Variants in CCDC102B observed in about 807,000 individuals in gnomAD.
The protein encoded by CCDC102B is coiled-coil domain-containing protein 102B.
A neutral mutation model predicts 57.4 loss-of-function variants in CCDC102B; 75 were observed. The ratio of observed to expected loss-of-function variants is 1.31; its 90% confidence interval spans 1.08 to 1.58. The LOEUF (loss-of-function observed/expected upper bound fraction) is 1.58, where lower values mean the gene tolerates loss of function less well. Among genes scored for constraint, CCDC102B ranks in the 40% most tolerant of loss-of-function variants. CCDC102B has a pLI of 0.00. For missense variants in CCDC102B, 636 were observed against 582.6 expected (o/e 1.09, Z -0.94); for synonymous variants, 206 against 201.9 (o/e 1.02, Z -0.17).
At chr18:69,042,904 C>T (rs1003688913) in intron 7 of CCDC102B, among the ~76,000 whole-genome samples, 4 of 151,846 alleles carry the variant, frequency 2.6e-5, no homozygotes, top group East Asian at 3.9e-4. Flanking sequence ...TAAGGTGGAA[C>T]GAGAGACTTG....
At chr18:68,752,377 T>C (rs905888579) in intron 2 of CCDC102B, among the ~76,000 whole-genome samples, 7 of 147,758 alleles carry the variant, frequency 4.7e-5, no homozygotes, top group Non-Finnish European at 8.9e-5. Flanking sequence ...AGAAAATAAC[T>C]GCCAAAAGTT....
At chr18:68,786,837 T>G (rs1367922477) in intron 2 of CCDC102B, among the ~76,000 whole-genome samples, 3 of 151,740 alleles carry the variant, frequency 2.0e-5, no homozygotes, top group East Asian at 1.9e-4. Flanking sequence ...CCTGCCTAAT[T>G]GCCCTGGCCA....
chr18:68,783,498 G>A (rs2035075647), intron 2 of CCDC102B, among the ~76,000 whole-genome samples: 1 of 152,154 alleles, frequency 6.6e-6, no homozygotes, highest in Non-Finnish European at 1.5e-5. Flanking sequence ...CAAGCCCTGT[G>A]GTCAGGCAGG....
chr18:68,938,659 T>G lies in CCDC102B; in HGVS notation c.1263+41231T>G, dbSNP rs556378405. On this transcript the variant is annotated intron_variant, in intron 6 of 7. Transcript: ENST00000360242. ...TATACAGCTATCCCTAGATACAGTATGATATCATTGATTTTCCCAGATTAT... is the reference window on the plus strand; with the variant it reads ...TATACAGCTATCCCTAGATACAGTAGGATATCATTGATTTTCCCAGATTAT... Among the ~76,000 whole-genome samples the G allele has an allele frequency of 2.0e-5, 3 of 151,808 alleles. No homozygotes were observed. The East Asian group carries it at 5.8e-4, about 29-fold the overall frequency.
chr18:68,967,752 A>G (rs1330439066), intron 6 of CCDC102B, among the ~76,000 whole-genome samples: 1 of 152,120 alleles, frequency 6.6e-6, no homozygotes, highest in Admixed American at 6.6e-5. Context: ...ACCCACAAAT[A>G]CCTTTATCTC....
At chr18:68,943,471 G>A (rs9961337) in intron 6 of CCDC102B, among the ~76,000 whole-genome samples, 3 of 151,996 alleles carry the variant, frequency 2.0e-5, no homozygotes, top group Admixed American at 6.6e-5. Context: ...TCATGTCTGT[G>A]TTATGGCTAT....
chr18:68,940,546 TAAA>T (rs1273931888), intron 6 of CCDC102B, among the ~76,000 whole-genome samples: 1 of 151,854 alleles, frequency 6.6e-6, no homozygotes, highest in East Asian at 1.9e-4. Context: ...TAAAAAATCT[TAAA>T]GAAGCTTGTG....
At chr18:68,796,911 T>G (rs961084953), upstream of CCDC102B, among the ~76,000 whole-genome samples, 1 of 151,918 alleles carries the variant, frequency 6.6e-6, no homozygotes, top group Non-Finnish European at 1.5e-5. Context: ...GATGCAAGAC[T>G]AAATAAAATT....
chr18:68,757,690 GA>G (rs572767977), intron 2 of CCDC102B, among the ~76,000 whole-genome samples: 2 of 151,888 alleles, frequency 1.3e-5, no homozygotes, highest in African/African-American at 2.4e-5. Flanking sequence ...AGATTTTAAA[GA>G]AAAAAATAAG....
intron 6 of CCDC102B, among the ~76,000 whole-genome samples, chr18:68,937,950 T>A (rs551506019): frequency 6.6e-6 from 1 of 152,134 alleles, no homozygotes; most frequent in African/African-American, 2.4e-5. Flanking sequence ...TCCTTTTTTA[T>A]GGCTGCATAG....
chr18:69,001,256 G>A (rs552195213), intron 6 of CCDC102B, among the ~76,000 whole-genome samples: 2 of 152,130 alleles, frequency 1.3e-5, no homozygotes, highest in Non-Finnish European at 2.9e-5. Flanking sequence ...GCTGCTTTGT[G>A]TACCTCTTCT....
intron 4 of CCDC102B, among the ~76,000 whole-genome samples, chr18:68,864,575 C>CACTAA (rs201497189): frequency 0.01 from 1,559 of 152,056 alleles, 25 homozygotes; most frequent in East Asian, 0.072. Context: ...GTTTCAAATG[C>CACTAA]ACTAAAAATT....
intron 3 of CCDC102B, 124 bp from the exon 4 acceptor site, chr18:68,846,189 T>C (rs2037847305): frequency 2.2e-6 from 1 of 453,986 alleles, no homozygotes; most frequent in Non-Finnish European, 3.8e-6. Context: ...AAATGTTTTC[T>C]CTCATTAAGA....
chr18:69,015,799 T>C (rs1164798449), intron 7 of CCDC102B, among the ~76,000 whole-genome samples: 1 of 152,186 alleles, frequency 6.6e-6, no homozygotes, highest in East Asian at 1.9e-4. Context: ...TCATCCTTCA[T>C]CATTTTACTA....
chr18:68,942,085 G>T (rs1367421383), intron 6 of CCDC102B, among the ~76,000 whole-genome samples: 1 of 152,024 alleles, frequency 6.6e-6, no homozygotes, highest in African/African-American at 2.4e-5. Context: ...AATTTTATAG[G>T]CATGAAATGG....
At chr18:69,039,545 C>T (rs1025721952) in intron 7 of CCDC102B, among the ~76,000 whole-genome samples, 12 of 151,782 alleles carry the variant, frequency 7.9e-5, no homozygotes, top group African/African-American at 2.9e-4. Flanking sequence ...GATTGGTTGA[C>T]ATTTTGATTA....
intron 7 of CCDC102B, among the ~76,000 whole-genome samples, chr18:69,047,341 C>A (rs1488617652): frequency 6.6e-6 from 1 of 152,096 alleles, no homozygotes; most frequent in African/African-American, 2.4e-5. Context: ...AATCCAATAT[C>A]CCTTCATCTT....
chr18:68,831,999 A>G (rs2144770595), intron 1 of CCDC102B, among the ~76,000 whole-genome samples: 1 of 152,216 alleles, frequency 6.6e-6, no homozygotes, highest in Admixed American at 6.5e-5. Context: ...CATCGTATCT[A>G]TCATAATGGT....
In CCDC102B at chr18:69,054,555, A is replaced by G; in HGVS notation, c.*418A>G. On this transcript the variant is annotated 3_prime_UTR_variant, in exon 8 of 8. Transcript: ENST00000360242. Reference sequence around the variant, plus strand: ...TTAAATAATTGGTAAACTTTTATGTACGTGTTGTCTATGTGGTGGGGATGG... The same window carrying G: ...TTAAATAATTGGTAAACTTTTATGTGCGTGTTGTCTATGTGGTGGGGATGG... 1 of 989,632 alleles carries G rather than the reference A, an allele frequency of 1.0e-6. No individual in the cohort carries two copies. The highest frequency in any genetic ancestry group is 1.2e-6 in the Non-Finnish European group (1 of 833,104). The allele number at this position is 989,632 out of a possible 1,614,324, so 61.3% of individuals were successfully genotyped here. A position where few individuals can be genotyped will look rare whatever the true frequency, so the allele number is the denominator to read the frequency against.
Sources: gnomAD v4.1 joint callset for allele counts (sites outside exome capture counted in the v4.1 genomes callset) on GRCh38, gnomAD v4.1.1 for gene constraint, MANE v1.5 for transcripts, NCBI Gene and HGNC (gene_info 2026-07-23, HGNC 2026-07-21) for gene names.